GALK2: variants seen among roughly 807,000 people sequenced by gnomAD.
GALK2 encodes the protein N-acetylgalactosamine kinase.
GALK2 carries 36 observed loss-of-function variants against 52.4 expected under a neutral mutation model. The observed-to-expected ratio is 0.69, with a 90% CI of 0.53 to 0.91. The LOEUF (loss-of-function observed/expected upper bound fraction) is 0.91, where lower values mean the gene tolerates loss of function less well. Ranked by LOEUF, GALK2 falls within the 40% of genes least tolerant of loss-of-function variation. The pLI, the probability that GALK2 is intolerant of heterozygous loss-of-function variation, is 0.00. For missense variants in GALK2, 579 were observed against 559.1 expected (o/e 1.04, Z -0.36); for synonymous variants, 176 against 199.1 (o/e 0.88, Z 0.98).
chr15:49,268,862 C>T (rs1467103951), intron 5 of GALK2, among the ~76,000 whole-genome samples: 1 of 152,112 alleles, frequency 6.6e-6, no homozygotes, highest in Non-Finnish European at 1.5e-5. Flanking sequence ...AAATTACTTC[C>T]CTCTCCTTTG....
chr15:49,166,851 A>G (rs1189719241), upstream of GALK2, among the ~76,000 whole-genome samples: 1 of 152,258 alleles, frequency 6.6e-6, no homozygotes, highest in African/African-American at 2.4e-5. Flanking sequence ...AATAGTTTTT[A>G]TTGTAAGTCA....
rs768597255 is a variant in GALK2 at position 49,201,266 on chromosome 15, C to T, written c.142+16C>T. 4 of 1,466,302 alleles carry T rather than the reference C, an allele frequency of 2.7e-6. No homozygotes were observed. Among genetic ancestry groups the T allele is most frequent in the South Asian group, 2.4e-5 (2 of 82,156 alleles). 90.8% of individuals were successfully genotyped at this position (1,466,302 alleles called of 1,614,324 possible). A position where few individuals can be genotyped will look rare whatever the true frequency, so the allele number is the denominator to read the frequency against. ...AACATAATAGGTATTTCAAAAGTTCCTTCTCTTAATTTTTTTCTTCATCCT... is the reference window on the plus strand; with the variant it reads ...AACATAATAGGTATTTCAAAAGTTCTTTCTCTTAATTTTTTTCTTCATCCT... On this transcript the variant is annotated intron_variant, in intron 2 of 9. Transcript: ENST00000560031.
intron 8 of GALK2, among the ~76,000 whole-genome samples, chr15:49,311,911 G>T (rs1159373066): frequency 6.6e-6 from 1 of 152,232 alleles, no homozygotes; most frequent in African/African-American, 2.4e-5. Flanking sequence ...GTGGGCCAAT[G>T]GTAGGCACAT....
chr15:49,201,053 A>AGTGT (rs10629223), intron 1 of GALK2, 109 bp from the exon 2 acceptor site: 15,752 of 399,906 alleles, frequency 0.039, 183 homozygotes, highest in African/African-American at 0.054. Flanking sequence ...AGGCATATGG[A>AGTGT]GTGTGTGTGT....
intron 9 of GALK2, among the ~76,000 whole-genome samples, chr15:49,325,515 C>T (rs1023114254): frequency 5.3e-5 from 8 of 152,228 alleles, no homozygotes; most frequent in Non-Finnish European, 1.0e-4. Flanking sequence ...TCCTAACTTT[C>T]GGTCTTCTCA....
intron 8 of GALK2, among the ~76,000 whole-genome samples, chr15:49,309,824 G>A (rs2035845625): frequency 1.3e-5 from 2 of 151,902 alleles, no homozygotes; most frequent in Admixed American, 1.3e-4. Flanking sequence ...TCTCCATGTT[G>A]GTCAGGCTGG....
At chr15:49,365,297 G>A in intron 3 of GALK2, 2 of 1,550,960 alleles carry the variant, frequency 1.3e-6, no homozygotes, top group Non-Finnish European at 1.8e-6. Flanking sequence ...GAGGAGAGCA[G>A]GTTGCCCCTT....
At chr15:49,347,602 G>A (rs1273923913) in intron 3 of GALK2, among the ~76,000 whole-genome samples, 1 of 152,106 alleles carries the variant, frequency 6.6e-6, no homozygotes, top group East Asian at 1.9e-4. Context: ...GTATCTAGGT[G>A]CAGTTGAGTT....
At chr15:49,277,752 A>C (rs749454394) in intron 5 of GALK2, among the ~76,000 whole-genome samples, 36 of 149,282 alleles carry the variant, frequency 2.4e-4, no homozygotes, top group Non-Finnish European at 3.6e-4. Flanking sequence ...GCCGAGATTG[A>C]GCCACTGCAC....
chr15:49,244,836 T>G (rs924684193), intron 5 of GALK2, among the ~76,000 whole-genome samples: 1 of 151,974 alleles, frequency 6.6e-6, no homozygotes, highest in African/African-American at 2.4e-5. Context: ...ACTTATAATC[T>G]TATCAGTAAA....
At chr15:49,323,789 G>A (rs1441059844) in intron 9 of GALK2, among the ~76,000 whole-genome samples, 1 of 152,152 alleles carries the variant, frequency 6.6e-6, no homozygotes, top group Non-Finnish European at 1.5e-5. Flanking sequence ...TGCTCTTCAA[G>A]AGAAAATCAG....
At chr15:49,168,547 C>T (rs1248678533), upstream of GALK2, among the ~76,000 whole-genome samples, 2 of 151,960 alleles carry the variant, frequency 1.3e-5, no homozygotes, top group African/African-American at 2.4e-5. Flanking sequence ...GGTGAAACCC[C>T]GTCTTTACTA....
chr15:49,228,688 T>TATATATATATATATATATACATATA, intron 3 of GALK2, among the ~76,000 whole-genome samples: 1 of 10,452 alleles, frequency 9.6e-5, no homozygotes, highest in African/African-American at 3.4e-4. Flanking sequence ...TATATATATA[T>TATATATATATATATATATACATATA]TTTTTTTTTT....
intron 5 of GALK2, among the ~76,000 whole-genome samples, chr15:49,277,305 A>G (rs2141728146): frequency 7.4e-6 from 1 of 134,276 alleles, no homozygotes; most frequent in Admixed American, 7.4e-5. Context: ...AGTAGCTGGG[A>G]CTACAGGCGC....
chr15:49,236,471 A>G (rs1211801145), intron 4 of GALK2, among the ~76,000 whole-genome samples: 1 of 152,166 alleles, frequency 6.6e-6, no homozygotes, highest in Non-Finnish European at 1.5e-5. Flanking sequence ...GCTACTTCAG[A>G]TGGGATTAAA....
chr15:49,319,485 G>A (rs1466101092), intron 8 of GALK2, 119 bp from the exon 9 acceptor site: 2 of 747,832 alleles, frequency 2.7e-6, no homozygotes, highest in Non-Finnish European at 4.3e-6. Context: ...GAGACCTATT[G>A]AAGTTTAAGA....
chr15:49,346,763 T>C (rs2041570263), intron 3 of GALK2, among the ~76,000 whole-genome samples: 1 of 152,166 alleles, frequency 6.6e-6, no homozygotes, highest in South Asian at 2.1e-4. Flanking sequence ...AAAAGGAAGC[T>C]AGGCAGCAAG....
Position 49,337,395 on chromosome 15 carries a change from G to A in GALK2, c.426+17590G>A, listed in dbSNP as rs549768589. 2.1e-4 allele frequency among the ~76,000 whole-genome samples: 32 copies of A among 151,692 alleles called. 1 individual carries two copies. The South Asian group carries it at 4.6e-3, about 22-fold the overall frequency. Reference sequence around the variant, plus strand: ...TAATAATAGTCATCCTGACTGGAGTGAGATGATATCTCATTGTGGTTTTCG... The same window carrying A: ...TAATAATAGTCATCCTGACTGGAGTAAGATGATATCTCATTGTGGTTTTCG... On this transcript the variant is annotated intron_variant, in intron 3 of 3. Transcript: ENST00000558399.
At chr15:49,323,024 G>T (rs1323870288) in intron 9 of GALK2, among the ~76,000 whole-genome samples, 1 of 151,756 alleles carries the variant, frequency 6.6e-6, no homozygotes, top group African/African-American at 2.4e-5. Context: ...AGAAGGAGGG[G>T]TTCAGAAGAA....
Sources: gnomAD v4.1 joint callset for allele counts (sites outside exome capture counted in the v4.1 genomes callset) on GRCh38, gnomAD v4.1.1 for gene constraint, MANE v1.5 for transcripts, NCBI Gene and HGNC (gene_info 2026-07-23, HGNC 2026-07-21) for gene names.